Variants in DYNC2I1 observed in about 807,000 individuals in gnomAD.
The protein encoded by DYNC2I1 is cytoplasmic dynein 2 intermediate chain 1.
Under a neutral mutation model 133.4 loss-of-function variants are expected in DYNC2I1, and 89 were observed. That is an observed-to-expected ratio of 0.67 (90% CI 0.56 to 0.80). The LOEUF (loss-of-function observed/expected upper bound fraction) is 0.80. Ranked by LOEUF, DYNC2I1 falls within the 30% of genes least tolerant of loss-of-function variation. The pLI, the probability that DYNC2I1 is intolerant of heterozygous loss-of-function variation, is 0.00. For synonymous variants in DYNC2I1, 504 were observed against 484.3 expected, an observed-to-expected ratio of 1.04 and a Z score of -0.54; for missense variants, 1,291 against 1,314.5, an observed-to-expected ratio of 0.98 and a Z score of 0.28.
At chr7:158,864,721 G>A (rs1842247748) in intron 1 of DYNC2I1, among the ~76,000 whole-genome samples, 1 of 152,048 alleles carries the variant, frequency 6.6e-6, no homozygotes, top group African/African-American at 2.4e-5. Flanking sequence ...GCCCTGGCTG[G>A]TCTTGAACTC....
the DYNC2I1 span, among the ~76,000 whole-genome samples, chr7:158,847,451 G>A: frequency 6.6e-6 from 1 of 151,866 alleles, no homozygotes; most frequent in Admixed American, 6.6e-5. Context: ...GAAAAAAAAG[G>A]CACAGAATGA....
In DYNC2I1 at chr7:158,939,316, C is replaced by T. The variant is rs540433169; in HGVS notation, c.2779-2609C>T. 2.8e-4 allele frequency among the ~76,000 whole-genome samples: 42 copies of T among 152,112 alleles called. 1 individual carries two copies. The highest frequency in any genetic ancestry group is 7.9e-4 in the Admixed American group (12 of 15,258). On this transcript the variant is annotated intron_variant, in intron 23 of 24. Transcript: ENST00000407559. ...CTGGGTACAGTGGTGCCCATGCCCA[C>T]CTGTAGTCCCAGCTAGCTACTTGGG...
rs747539531 is a variant in DYNC2I1 at position 158,941,935 on chromosome 7, C to A, written c.2789C>A (p.Ser930Ter). 3 of 1,603,884 alleles carry A rather than the reference C, an allele frequency of 1.9e-6. No homozygotes were observed. Among genetic ancestry groups the A allele is most frequent in the Non-Finnish European group, 2.6e-6 (3 of 1,175,254 alleles). ...TCTTCCTGGTCATAGGCCGGCTGTT[C>A]GGACGGAAGCATCAGGCTGCACCAG... ...FGEPIFLAGC[S>*]DGSIRLHQLS... The change falls in exon 24 of 25, where the codon TCG (serine) becomes TAG (stop). Residue 930 changes from serine (S) to a stop codon, truncating the protein, a stop_gained. Transcript: ENST00000407559. LOFTEE classifies it high-confidence loss of function.
intron 1 of DYNC2I1, among the ~76,000 whole-genome samples, chr7:158,863,203 A>G (rs1842028805): frequency 6.6e-6 from 1 of 152,024 alleles, no homozygotes; most frequent in Non-Finnish European, 1.5e-5. Context: ...AGCTAGACAC[A>G]GAGTGCTGAT....
At position 158,945,659 on chromosome 7, in the gene DYNC2I1, T is replaced by G; in HGVS notation, c.3081T>G (p.Ser1027=). The part of the protein sequence containing the change: ...SFLALVLARA[S]GSIDIQHLKR... ...TGGCCCTGGTGCTGGCCAGGGCGTC[T>G]GGCTCCATCGACATCCAGCACCTGA... is the stretch of plus-strand genomic sequence containing the variant. Residue 1027 remains serine, a synonymous_variant, in exon 25 of 25, where the codon TCT becomes TCG. Transcript: ENST00000407559. The surrounding 1 kb of genome is among the most constrained non-coding windows in gnomAD (Gnocchi z 4.1). 1 of 1,612,722 alleles carries G rather than the reference T, an allele frequency of 6.2e-7. No homozygotes were observed. The highest frequency in any genetic ancestry group is 1.7e-5 in the Admixed American group (1 of 59,842).
intron 1 of DYNC2I1, among the ~76,000 whole-genome samples, chr7:158,857,811 A>G (rs746116249): frequency 4.2e-5 from 5 of 118,912 alleles, no homozygotes; most frequent in Non-Finnish European, 3.6e-5. Context: ...TTTTTTTTTT[A>G]AAGATAATTC....
intron 21 of DYNC2I1, 146 bp from the exon 22 acceptor site, chr7:158,933,983 T>C (rs1323282002): frequency 1.7e-6 from 1 of 605,782 alleles, no homozygotes; most frequent in Admixed American, 3.6e-5. Context: ...CAGAAGAAAA[T>C]AGAAACAGAG....
In DYNC2I1 at chr7:158,944,064, C is replaced by T. The variant is rs562379245; in HGVS notation, c.3003-1517C>T. ...GACAGAGAAACAGAACAAGAAGAAA[C>T]GGATGTTTGGAAGGAAGGAGTTTAG... On this transcript the variant is annotated intron_variant, in intron 24 of 24. Coordinates refer to ENST00000407559, the MANE Select transcript of DYNC2I1 (RefSeq NM_018051.5). Among the ~76,000 whole-genome samples the T allele has an allele frequency of 4.6e-5, 7 of 152,140 alleles. 1 individual carries two copies. Among genetic ancestry groups the T allele is most frequent in the Admixed American group, 2.0e-4 (3 of 15,284 alleles).
At position 158,888,564 on chromosome 7, in the gene DYNC2I1, T is replaced by G. The variant is rs1022970114; in HGVS notation, c.990+1489T>G. On this transcript the variant is annotated intron_variant, in intron 7 of 24. Coordinates refer to ENST00000407559, the MANE Select transcript of DYNC2I1 (RefSeq NM_018051.5). Reference sequence around the variant, plus strand: ...TCAGCTCACCTCAACCTCTGCCTCCTGGGTTCAAGCGATTCGTGCCTCAGC... The same window carrying G: ...TCAGCTCACCTCAACCTCTGCCTCCGGGGTTCAAGCGATTCGTGCCTCAGC... Among the ~76,000 whole-genome samples the G allele has an allele frequency of 5.3e-4, 81 of 151,622 alleles. 1 individual carries two copies. The highest frequency in any genetic ancestry group is 2.1e-4 in the Non-Finnish European group (14 of 67,884).
chr7:158,944,704 C>A (rs957379587), intron 24 of DYNC2I1, among the ~76,000 whole-genome samples: 1 of 152,190 alleles, frequency 6.6e-6, no homozygotes, highest in Non-Finnish European at 1.5e-5. Context: ...GTGACAAGGG[C>A]AGGGACCCTA....
At chr7:158,905,420 C>T (rs1585102681) in intron 10 of DYNC2I1, 2 of 220,836 alleles carry the variant, frequency 9.1e-6, no homozygotes, top group East Asian at 2.6e-4. Flanking sequence ...GGATTACAGG[C>T]ATGAGCCATC....
At chr7:158,892,301 G>T (rs1234772887) in intron 8 of DYNC2I1, among the ~76,000 whole-genome samples, 1 of 152,158 alleles carries the variant, frequency 6.6e-6, no homozygotes, top group Non-Finnish European at 1.5e-5. Context: ...TCAGTCAGCA[G>T]GCGTTGTATT....
At chr7:158,866,533 A>G (rs979037943) in intron 1 of DYNC2I1, among the ~76,000 whole-genome samples, 1 of 151,902 alleles carries the variant, frequency 6.6e-6, no homozygotes, top group Non-Finnish European at 1.5e-5. Context: ...CCTGGGTTCC[A>G]TTCAGCCCTT....
Position 158,914,288 on chromosome 7 carries a change from A to G in DYNC2I1, c.1758A>G (p.Pro586=). The change falls in exon 14 of 25, where the codon CCA becomes CCG. Residue 586 remains proline, a synonymous_variant. Transcript: ENST00000407559. The part of the protein sequence containing the change: ...DAVVMPKIDT[P]RLCSFLRAAC... ...TAGTTATGCCAAAGATTGATACTCC[A>G]AGGTTATGTAGCTTTCTGCGGGCTG... 2 of 1,612,842 alleles carry G rather than the reference A, an allele frequency of 1.2e-6. No homozygotes were observed. Among genetic ancestry groups the G allele is most frequent in the South Asian group, 1.1e-5 (1 of 90,750 alleles).
At chr7:158,857,540 G>GTTTTTTTTT (rs1278230154) in intron 1 of DYNC2I1, among the ~76,000 whole-genome samples, 1 of 100,906 alleles carries the variant, frequency 9.9e-6, no homozygotes, top group African/African-American at 3.6e-5. Context: ...TTAGGTTTTT[G>GTTTTTTTTT]TTTTTTTTTT....
intron 1 of DYNC2I1, among the ~76,000 whole-genome samples, chr7:158,867,802 G>T (rs1842539471): frequency 1.3e-5 from 2 of 152,136 alleles, no homozygotes; most frequent in Admixed American, 6.5e-5. Flanking sequence ...AGGGTGCGCG[G>T]TGAGAGCAAG....
chr7:158,925,466 T>C (rs549704428), intron 17 of DYNC2I1, among the ~76,000 whole-genome samples: 3 of 152,304 alleles, frequency 2.0e-5, no homozygotes, highest in African/African-American at 7.2e-5. Flanking sequence ...CTTTTGCTTG[T>C]TTTTAGGAGG....
upstream of DYNC2I1, among the ~76,000 whole-genome samples, chr7:158,852,416 G>A (rs933890390): frequency 5.3e-5 from 8 of 151,038 alleles, no homozygotes; most frequent in African/African-American, 9.7e-5. Flanking sequence ...CACCGCGCCC[G>A]GCCTGTAAGC....
chr7:158,840,375 G>A, the DYNC2I1 span, among the ~76,000 whole-genome samples: 1 of 152,188 alleles, frequency 6.6e-6, no homozygotes, highest in African/African-American at 2.4e-5. Context: ...AGACCAGCCT[G>A]GCCAACATGG....
Sources: gnomAD v4.1 joint callset for allele counts (sites outside exome capture counted in the v4.1 genomes callset) on GRCh38, gnomAD v4.1.1 for gene constraint, Gnocchi (gnomAD v3.1) non-coding constraint, MANE v1.5 for transcripts, NCBI Gene and HGNC (gene_info 2026-07-23, HGNC 2026-07-21) for gene names.